Variants in NUMB observed in about 807,000 individuals in gnomAD.
The protein encoded by NUMB is protein numb homolog.
NUMB carries 29 observed loss-of-function variants against 59.7 expected under a neutral mutation model. The observed-to-expected ratio is 0.49, with a 90% CI of 0.36 to 0.66. The LOEUF is 0.66. Ranked by LOEUF, NUMB falls within the 30% of genes least tolerant of loss-of-function variation. The pLI, the probability that NUMB is intolerant of heterozygous loss-of-function variation, is 0.00. For synonymous variants in NUMB, 288 were observed against 288.2 expected, an observed-to-expected ratio of 1.00 and a Z score of 0.01; for missense variants, 723 against 822.0, an observed-to-expected ratio of 0.88 and a Z score of 1.47.
chr14:73,298,593 A>C (rs1889925448), intron 6 of NUMB: 1 of 152,230 alleles, frequency 6.6e-6, no homozygotes, highest in African/African-American at 2.4e-5. Context: ...AAATAAAACA[A>C]AAGCAATATG....
intron 2 of NUMB, among the ~76,000 whole-genome samples, chr14:73,383,350 C>G: frequency 6.6e-6 from 1 of 152,010 alleles, no homozygotes; most frequent in East Asian, 1.9e-4. Flanking sequence ...TAATATAAAA[C>G]TAACAATATA....
chr14:73,453,384 A>G (rs929811478), intron 1 of NUMB, among the ~76,000 whole-genome samples: 13 of 152,076 alleles, frequency 8.5e-5, no homozygotes, highest in African/African-American at 3.1e-4. Flanking sequence ...CACCCGCCTC[A>G]GCCTCCCAAA....
chr14:73,397,389 G>C (rs1254647626), intron 2 of NUMB, among the ~76,000 whole-genome samples: 1 of 152,134 alleles, frequency 6.6e-6, no homozygotes, highest in East Asian at 1.9e-4. Context: ...GCCAGCCTGG[G>C]GAGGAATTCA....
At chr14:73,362,815 T>G (rs759508360) in intron 3 of NUMB, among the ~76,000 whole-genome samples, 6 of 152,054 alleles carry the variant, frequency 3.9e-5, no homozygotes, top group African/African-American at 7.2e-5. Context: ...GGTTACTCAT[T>G]AAAACTTGTT....
intron 1 of NUMB, among the ~76,000 whole-genome samples, chr14:73,434,769 T>G (rs1036317662): frequency 6.6e-6 from 1 of 152,000 alleles, no homozygotes; most frequent in Non-Finnish European, 1.5e-5. Flanking sequence ...CAGCCTGAAG[T>G]CTTTCTTTTG....
At chr14:73,453,736 T>C (rs1313406418) in intron 1 of NUMB, among the ~76,000 whole-genome samples, 3 of 151,918 alleles carry the variant, frequency 2.0e-5, no homozygotes, top group African/African-American at 7.2e-5. Context: ...GCCTCCCGAG[T>C]AGCTGGGACT....
At chr14:73,428,336 T>C (rs1897675338) in intron 1 of NUMB, among the ~76,000 whole-genome samples, 1 of 152,184 alleles carries the variant, frequency 6.6e-6, no homozygotes, top group South Asian at 2.1e-4. Flanking sequence ...ATGAGGTCTC[T>C]TGGGCTCTTC....
At chr14:73,457,139 G>C (rs959633466) in intron 1 of NUMB, among the ~76,000 whole-genome samples, 1 of 152,018 alleles carries the variant, frequency 6.6e-6, no homozygotes, top group Non-Finnish European at 1.5e-5. Flanking sequence ...CTAAGTGGTG[G>C]AACTAGAACT....
chr14:73,340,214 T>TTTC (rs558754859), intron 4 of NUMB, among the ~76,000 whole-genome samples: 10 of 152,212 alleles, frequency 6.6e-5, no homozygotes, highest in Non-Finnish European at 1.2e-4. Context: ...GTAAACGAGC[T>TTTC]TTCCAACCTT....
chr14:73,389,272 C>CAAAAAAAAAAAAAAAAAAAAAAAAAA (rs869074049), intron 2 of NUMB, among the ~76,000 whole-genome samples: 2 of 66,484 alleles, frequency 3.0e-5, no homozygotes, highest in African/African-American at 1.2e-4. Context: ...CTCCATCTCT[C>CAAAAAAAAAAAAAAAAAAAAAAAAAA]AAAAAAAAAA....
intron 1 of NUMB, among the ~76,000 whole-genome samples, chr14:73,411,919 CTT>C (rs935625343): frequency 0.21 from 22,767 of 106,344 alleles, 1,814 homozygotes; most frequent in Non-Finnish European, 0.23. Flanking sequence ...CAGCAATTAA[CTT>C]TTTTTTTTTT....
Position 73,359,963 on chromosome 14 carries a change from T to C in NUMB, c.-15-4197A>G, listed in dbSNP as rs1471259486. Among the ~76,000 whole-genome samples the C allele has an allele frequency of 2.6e-5, 4 of 152,182 alleles. No homozygotes were observed. The South Asian group carries it at 6.2e-4, about 24-fold the overall frequency. ...CACTGCACTTAATCTCCACCACCCA[T>C]AGTCCAAGATAACTTTGCCTCTTAC... On this transcript the variant is annotated intron_variant, in intron 3 of 12. Coordinates refer to ENST00000555238, the MANE Select transcript of NUMB (RefSeq NM_001005743.2).
chr14:73,282,467 G>A lies in NUMB; in HGVS notation c.988C>T (p.Leu330=), dbSNP rs766953138. The part of the protein sequence containing the change: ...VEGEAESISS[L]CSQITNAFST... Reference sequence around the variant, plus strand: ...AAGGCATTGGTGATCTGTGAGCACAGGGAGCTGATGCTCTCTGCCTCCCCT... The same window carrying A: ...AAGGCATTGGTGATCTGTGAGCACAAGGAGCTGATGCTCTCTGCCTCCCCT... The change falls in exon 11 of 13, where the codon CTG becomes TTG. Residue 330 remains leucine (L), a synonymous_variant. Transcript: ENST00000555238. 2 of 1,614,018 alleles carry A rather than the reference G, an allele frequency of 1.2e-6. No individual in the cohort carries two copies. The highest frequency in any genetic ancestry group is 2.7e-5 in the African/African-American group (2 of 74,924).
chr14:73,375,168 T>C (rs1227123660), intron 2 of NUMB, among the ~76,000 whole-genome samples: 1 of 152,194 alleles, frequency 6.6e-6, no homozygotes, highest in Non-Finnish European at 1.5e-5. Flanking sequence ...GACTAAGATA[T>C]CTAGTCTTTC....
chr14:73,352,105 A>G (rs1162913612), intron 4 of NUMB, among the ~76,000 whole-genome samples: 5 of 152,078 alleles, frequency 3.3e-5, no homozygotes, highest in Non-Finnish European at 5.9e-5. Context: ...CCCACGTACA[A>G]AATCCTTAGT....
chr14:73,321,264 A>G (rs1425457261), intron 5 of NUMB, among the ~76,000 whole-genome samples: 8 of 152,188 alleles, frequency 5.3e-5, no homozygotes, highest in African/African-American at 1.9e-4. Context: ...TGTGTAAATT[A>G]TAAGATTTTA....
At chr14:73,289,106 C>G (rs565929052) in intron 8 of NUMB, among the ~76,000 whole-genome samples, 2 of 152,176 alleles carry the variant, frequency 1.3e-5, no homozygotes, top group East Asian at 3.9e-4. Context: ...CTCTAAGCAA[C>G]CCTCCTCATT....
chr14:73,292,996 C>A (rs1889496167), intron 7 of NUMB, 122 bp from the exon 8 acceptor site: 4 of 970,384 alleles, frequency 4.1e-6, no homozygotes, highest in Non-Finnish European at 6.1e-6. Context: ...CTATGGAATA[C>A]CTAGATCTGT....
rs1233791467 is a variant in NUMB at position 73,386,619 on chromosome 14, A to C, written c.-100-19638T>G. On this transcript the variant is annotated intron_variant, in intron 2 of 12. Coordinates refer to ENST00000555238, the MANE Select transcript of NUMB (RefSeq NM_001005743.2). Reference sequence around the variant, plus strand: ...TCTCCCTTAGGCTCCTGATTGCAAGAAGAAAATCCCTTAGCCTTAACTACC... The same window carrying C: ...TCTCCCTTAGGCTCCTGATTGCAAGCAGAAAATCCCTTAGCCTTAACTACC... 3.9e-5 allele frequency among the ~76,000 whole-genome samples: 6 copies of C among 152,202 alleles called. No individual in the cohort carries two copies. The East Asian group carries it at 1.2e-3, about 29-fold the overall frequency.
Sources: gnomAD v4.1 joint callset for allele counts (sites outside exome capture counted in the v4.1 genomes callset) on GRCh38, gnomAD v4.1.1 for gene constraint, MANE v1.5 for transcripts, NCBI Gene and HGNC (gene_info 2026-07-23, HGNC 2026-07-21) for gene names.